CFAP107: variants seen among roughly 807,000 people sequenced by gnomAD.
CFAP107 encodes the protein cilia and flagella associated protein 107.
At chr1:12,752,005 C>T in the CFAP107 span, among the ~76,000 whole-genome samples, 14 of 152,148 alleles carry the variant, frequency 9.2e-5, no homozygotes, top group African/African-American at 3.1e-4. Flanking sequence ...GACCAAATGA[C>T]TTCAGTGGTG....
At chr1:12,755,717 C>T in the CFAP107 span, 1 of 1,612,742 alleles carries the variant, frequency 6.2e-7, no homozygotes. Flanking sequence ...GAGACACTGA[C>T]AAGACACCCC....
the CFAP107 span, among the ~76,000 whole-genome samples, chr1:12,751,212 C>T: frequency 6.6e-6 from 1 of 151,772 alleles, no homozygotes; most frequent in Non-Finnish European, 1.5e-5. Context: ...TAGCTTTACA[C>T]TTTAAGAAAA....
chr1:12,748,761 A>C, the CFAP107 span, among the ~76,000 whole-genome samples: 1 of 152,230 alleles, frequency 6.6e-6, no homozygotes, highest in South Asian at 2.1e-4. Context: ...GGTACTAGTC[A>C]AATACTTTAA....
the CFAP107 span, among the ~76,000 whole-genome samples, chr1:12,747,818 G>A: frequency 2.0e-5 from 3 of 152,088 alleles, no homozygotes; most frequent in Admixed American, 1.3e-4. Flanking sequence ...CAGTACTCAG[G>A]GATATTATGG....
At chr1:12,760,657 G>A in the CFAP107 span, 2 of 1,086,032 alleles carry the variant, frequency 1.8e-6, no homozygotes, top group Non-Finnish European at 2.6e-6. Flanking sequence ...CCCTGACAGA[G>A]CAGCCTGGGA....
the CFAP107 span, among the ~76,000 whole-genome samples, chr1:12,750,839 C>T: frequency 9.9e-5 from 15 of 151,670 alleles, no homozygotes; most frequent in South Asian, 2.1e-4. Context: ...AGGCAGAATA[C>T]GTGTGTTTTT....
the CFAP107 span, among the ~76,000 whole-genome samples, chr1:12,750,046 A>G: frequency 6.6e-6 from 1 of 152,254 alleles, no homozygotes; most frequent in Non-Finnish European, 1.5e-5. Flanking sequence ...AAATCTATGT[A>G]AATGAGTCTG....
At chr1:12,748,571 T>C in the CFAP107 span, among the ~76,000 whole-genome samples, 1 of 151,836 alleles carries the variant, frequency 6.6e-6, no homozygotes, top group African/African-American at 2.4e-5. Context: ...CTCAGAACAT[T>C]ACCTGCTAGT....
At chr1:12,752,361 G>C in the CFAP107 span, among the ~76,000 whole-genome samples, 1 of 149,770 alleles carries the variant, frequency 6.7e-6, no homozygotes, top group Non-Finnish European at 1.5e-5. Flanking sequence ...AAGGCAGGCA[G>C]ATCAGTTGAG....
the CFAP107 span, among the ~76,000 whole-genome samples, chr1:12,753,181 A>G: frequency 6.6e-6 from 1 of 152,226 alleles, no homozygotes; most frequent in African/African-American, 2.4e-5. Context: ...ACTTATATAC[A>G]TTGAACACTA....
At chr1:12,761,063 T>A in the CFAP107 span, 16 of 1,037,934 alleles carry the variant, frequency 1.5e-5, no homozygotes, top group East Asian at 3.9e-4. Context: ...ATCTGGCCCG[T>A]CAAAGGTGCT....
the CFAP107 span, chr1:12,762,890 A>AC: frequency 9.1e-5 from 1 of 11,000 alleles, no homozygotes; most frequent in South Asian, 2.0e-3. Context: ...GGCCACACAT[A>AC]AAAAAATGAA....
At chr1:12,758,896 C>T in the CFAP107 span, among the ~76,000 whole-genome samples, 22 of 152,204 alleles carry the variant, frequency 1.4e-4, no homozygotes, top group Non-Finnish European at 2.4e-4. Context: ...ACATGTCAGG[C>T]TGGCTTTCAC....
chr1:12,747,136 C>T, the CFAP107 span, among the ~76,000 whole-genome samples: 3 of 151,620 alleles, frequency 2.0e-5, no homozygotes, highest in South Asian at 2.1e-4. Context: ...GGCATGATCT[C>T]GGTTCACTGC....
chr1:12,755,332 G>C, the CFAP107 span, among the ~76,000 whole-genome samples: 1 of 152,098 alleles, frequency 6.6e-6, no homozygotes, highest in African/African-American at 2.4e-5. Flanking sequence ...TTGAACCCGA[G>C]AGGCAGAGGT....
the CFAP107 span, among the ~76,000 whole-genome samples, chr1:12,757,284 T>C: frequency 6.6e-6 from 1 of 152,150 alleles, no homozygotes; most frequent in Non-Finnish European, 1.5e-5. Flanking sequence ...CCCCCCGCAT[T>C]GTCATCTCCA....
chr1:12,748,130 G>A, the CFAP107 span, among the ~76,000 whole-genome samples: 6 of 152,224 alleles, frequency 3.9e-5, no homozygotes, highest in African/African-American at 1.2e-4. Flanking sequence ...GTGGCAGCTC[G>A]GCTCCAAGTT....
At chr1:12,758,203 TAAGTAAC>T in the CFAP107 span, among the ~76,000 whole-genome samples, 1 of 148,466 alleles carries the variant, frequency 6.7e-6, no homozygotes, top group African/African-American at 2.6e-5. Context: ...TTGAGAACTG[TAAGTAAC>T]AAGCTCTCCT....
chr1:12,750,777 AG>A, the CFAP107 span, among the ~76,000 whole-genome samples: 1 of 152,214 alleles, frequency 6.6e-6, no homozygotes, highest in Non-Finnish European at 1.5e-5. Flanking sequence ...CTACAGTAAT[AG>A]TAGAACAACC....
Sources: gnomAD v4.1 joint callset for allele counts (sites outside exome capture counted in the v4.1 genomes callset) on GRCh38, gnomAD v4.1.1 for gene constraint, MANE v1.5 for transcripts, NCBI Gene and HGNC (gene_info 2026-07-23, HGNC 2026-07-21) for gene names.